Variants in RGS6 observed in about 807,000 individuals in gnomAD.
The protein encoded by RGS6 is regulator of G-protein signaling 6.
Under a neutral mutation model 78.5 loss-of-function variants are expected in RGS6, and 30 were observed. That is an observed-to-expected ratio of 0.38 (90% CI 0.29 to 0.52). RGS6 has a LOEUF of 0.52. RGS6 is among the 20% of genes least tolerant of loss of function. The pLI is 0.85. For missense variants in RGS6, 495 were observed against 609.7 expected (o/e 0.81, Z 1.98); for synonymous variants, 206 against 206.0 (o/e 1.00, Z 0.00).
At chr14:72,345,564 C>G (rs1242391721) in intron 2 of RGS6, among the ~76,000 whole-genome samples, 1 of 152,156 alleles carries the variant, frequency 6.6e-6, no homozygotes, top group African/African-American at 2.4e-5. Context: ...TTCCACAGGC[C>G]TGTGGTGGCA....
chr14:71,941,426 C>A (rs1048963174), intron 1 of RGS6, among the ~76,000 whole-genome samples: 1 of 152,260 alleles, frequency 6.6e-6, no homozygotes, highest in Non-Finnish European at 1.5e-5. Flanking sequence ...CATCTAGAAC[C>A]ACTCCTGGTA....
chr14:72,325,710 A>C (rs902088622), intron 2 of RGS6, among the ~76,000 whole-genome samples: 2 of 152,220 alleles, frequency 1.3e-5, no homozygotes, highest in African/African-American at 4.8e-5. Flanking sequence ...AACCCAGTGG[A>C]AATAGATAGG....
chr14:72,334,166 G>T (rs1017884065), intron 2 of RGS6, among the ~76,000 whole-genome samples: 6 of 152,220 alleles, frequency 3.9e-5, no homozygotes, highest in Non-Finnish European at 4.4e-5. Flanking sequence ...AAAGGATTTT[G>T]TGTGTGCTCA....
At chr14:72,540,746 G>T in intron 17 of RGS6, 4 of 1,271,598 alleles carry the variant, frequency 3.1e-6, no homozygotes, top group Non-Finnish European at 4.1e-6. Flanking sequence ...CGGTGTCCTG[G>T]GTACTCCCCG....
At chr14:72,005,439 C>CTCTATCTATCCATCTATCTA (rs2084330591) in intron 2 of RGS6, among the ~76,000 whole-genome samples, 1 of 143,512 alleles carries the variant, frequency 7.0e-6, no homozygotes, top group African/African-American at 2.6e-5. Flanking sequence ...ACCTGCATAT[C>CTCTATCTATCCATCTATCTA]TCTATCTATC....
chr14:72,537,250 C>T (rs373037452), intron 16 of RGS6, among the ~76,000 whole-genome samples: 1 of 152,192 alleles, frequency 6.6e-6, no homozygotes, highest in African/African-American at 2.4e-5. Flanking sequence ...GCCCTAAGCA[C>T]GTGGTTGCCC....
chr14:72,345,750 A>G (rs1029674788), intron 2 of RGS6, among the ~76,000 whole-genome samples: 5 of 152,242 alleles, frequency 3.3e-5, no homozygotes, highest in African/African-American at 1.2e-4. Flanking sequence ...AAATGAACAC[A>G]GTGCATGGCA....
the RGS6 span, among the ~76,000 whole-genome samples, chr14:71,881,032 T>C: frequency 6.6e-6 from 1 of 152,216 alleles, no homozygotes; most frequent in Non-Finnish European, 1.5e-5. Context: ...CAGTGTGACC[T>C]GTATGTGAGA....
chr14:72,074,044 T>C (rs2094494299), intron 2 of RGS6, among the ~76,000 whole-genome samples: 1 of 152,214 alleles, frequency 6.6e-6, no homozygotes, highest in Non-Finnish European at 1.5e-5. Flanking sequence ...TTAGCAGATA[T>C]CTGTTGGAAT....
chr14:72,145,468 T>G (rs2096595775), intron 2 of RGS6, among the ~76,000 whole-genome samples: 1 of 152,160 alleles, frequency 6.6e-6, no homozygotes, highest in Admixed American at 6.6e-5. Context: ...CATCATAATT[T>G]CCTCAGTTAA....
At chr14:71,926,858 A>G in the RGS6 span, among the ~76,000 whole-genome samples, 1 of 152,164 alleles carries the variant, frequency 6.6e-6, no homozygotes, top group Non-Finnish European at 1.5e-5. Flanking sequence ...TATTGACTCT[A>G]TAAAGGATCC....
chr14:72,154,374 G>A (rs551073215), intron 2 of RGS6, among the ~76,000 whole-genome samples: 11 of 152,232 alleles, frequency 7.2e-5, no homozygotes, highest in East Asian at 5.8e-4. Context: ...TGAAGATAAC[G>A]GTATTAAGAG....
the RGS6 span, among the ~76,000 whole-genome samples, chr14:72,595,383 G>T: frequency 6.6e-6 from 1 of 152,168 alleles, no homozygotes; most frequent in Admixed American, 6.5e-5. Context: ...AAGATGAACT[G>T]TCCAAAGATC....
chr14:72,544,990 T>C (rs1427587562), intron 17 of RGS6, among the ~76,000 whole-genome samples: 2 of 152,150 alleles, frequency 1.3e-5, no homozygotes, highest in African/African-American at 4.8e-5. Context: ...GAAGGCGGTG[T>C]TGTTTTCCCC....
chr14:72,322,975 G>C (rs1372625229), intron 2 of RGS6, among the ~76,000 whole-genome samples: 1 of 152,062 alleles, frequency 6.6e-6, no homozygotes, highest in Non-Finnish European at 1.5e-5. Flanking sequence ...TGTCATTAAT[G>C]TCGGCTACAA....
At chr14:72,552,025 T>C (rs990083384) in intron 17 of RGS6, among the ~76,000 whole-genome samples, 5 of 152,268 alleles carry the variant, frequency 3.3e-5, no homozygotes, top group Non-Finnish European at 7.3e-5. Flanking sequence ...TATGATATTA[T>C]TTGCAGCTCA....
chr14:72,416,807 A>G (rs1257686402), intron 3 of RGS6, among the ~76,000 whole-genome samples: 3 of 152,246 alleles, frequency 2.0e-5, no homozygotes, highest in African/African-American at 7.2e-5. Flanking sequence ...AGGTTCAGAT[A>G]CCACCTCTGA....
intron 6 of RGS6, among the ~76,000 whole-genome samples, chr14:72,465,246 A>G (rs1007033212): frequency 2.0e-5 from 3 of 152,182 alleles, no homozygotes; most frequent in Admixed American, 2.0e-4. Flanking sequence ...TTCTGAGGCC[A>G]TTGAGGACTC....
At chr14:72,324,559 A>T (rs536319074) in intron 2 of RGS6, among the ~76,000 whole-genome samples, 1 of 151,710 alleles carries the variant, frequency 6.6e-6, no homozygotes, top group Non-Finnish European at 1.5e-5. Flanking sequence ...CCTGTGTCCA[A>T]GTGTACTCAT....
Sources: allele counts gnomAD v4.1 joint callset (sites outside exome capture counted in the v4.1 genomes callset), GRCh38; gene constraint gnomAD v4.1.1; transcripts MANE v1.5; gene names NCBI Gene and HGNC (gene_info 2026-07-23, HGNC 2026-07-21).